The following EPS8 variants were observed in gnomAD, a reference collection of about 807,000 sequenced individuals.
EPS8 encodes the protein epidermal growth factor receptor kinase substrate 8.
A neutral mutation model predicts 103.8 loss-of-function variants in EPS8; 42 were observed. The ratio of observed to expected loss-of-function variants is 0.40; its 90% confidence interval spans 0.32 to 0.52. EPS8 has a LOEUF of 0.52. Among genes scored for constraint, EPS8 ranks in the 20% least tolerant of loss-of-function variants. The pLI, the probability that EPS8 is intolerant of heterozygous loss-of-function variation, is 0.40. For missense variants in EPS8, 969 were observed against 1,005.1 expected (o/e 0.96, Z 0.49); for synonymous variants, 344 against 344.6 (o/e 1.00, Z 0.02).
chr12:15,635,239 G>A (rs952148089), intron 17 of EPS8, among the ~76,000 whole-genome samples: 4 of 152,030 alleles, frequency 2.6e-5, no homozygotes, highest in Non-Finnish European at 5.9e-5. Flanking sequence ...ATGTACATGT[G>A]CATGTCAGAC....
chr12:15,755,924 A>G (rs1258631898), intron 1 of EPS8, among the ~76,000 whole-genome samples: 2 of 152,112 alleles, frequency 1.3e-5, no homozygotes, highest in East Asian at 3.8e-4. Context: ...AGAATTGTAC[A>G]CTTTCCAGAA....
chr12:15,631,867 C>A, intron 17 of EPS8: 1 of 484,724 alleles, frequency 2.1e-6, no homozygotes. Context: ...AAAGTCAAAA[C>A]ATTAGTTAAG....
chr12:15,711,400 T>C (rs74063358), intron 1 of EPS8, among the ~76,000 whole-genome samples: 2,017 of 152,276 alleles, frequency 0.013, 48 homozygotes, highest in African/African-American at 0.046. Context: ...TTTCCTCTTA[T>C]ATACAATTTG....
At chr12:15,624,467 T>G in intron 18 of EPS8, 60 bp from the exon 19 acceptor site, 1 of 1,293,374 alleles carries the variant, frequency 7.7e-7, no homozygotes. Flanking sequence ...TCACCCTCTC[T>G]AGAACCCCAA....
At chr12:15,658,404 A>G (rs1945545652) in intron 11 of EPS8, 93 bp downstream of exon 11, 7 of 994,116 alleles carry the variant, frequency 7.0e-6, no homozygotes, top group Non-Finnish European at 1.1e-5. Flanking sequence ...TATAAAAACA[A>G]TTTTATTTCT....
rs1946197416 is a variant in EPS8 at position 15,693,174 on chromosome 12, T to C, written c.-21-10202A>G. Among the ~76,000 whole-genome samples, 1 of 152,190 alleles carries C rather than the reference T, an allele frequency of 6.6e-6. No homozygotes were observed. Among genetic ancestry groups the C allele is most frequent in the Non-Finnish European group, 1.5e-5 (1 of 68,036 alleles). Reference sequence around the variant, plus strand: ...CCCCAGCCATCAGTGTCTATCGGTCTTTTGCATAGATCAGTCAGGTTCTCC... The same window carrying C: ...CCCCAGCCATCAGTGTCTATCGGTCCTTTGCATAGATCAGTCAGGTTCTCC... On this transcript the variant is annotated intron_variant, in intron 1 of 20. Transcript: ENST00000281172. The surrounding 1 kb of genome is among the most constrained non-coding windows in gnomAD (Gnocchi z 5.6).
At chr12:15,732,362 G>A (rs1398273833) in intron 1 of EPS8, among the ~76,000 whole-genome samples, 3 of 152,152 alleles carry the variant, frequency 2.0e-5, no homozygotes, top group African/African-American at 7.2e-5. Flanking sequence ...CAACAATGAG[G>A]AGAAGATATC....
chr12:15,708,649 T>C (rs1388914706), intron 1 of EPS8, among the ~76,000 whole-genome samples: 3 of 152,176 alleles, frequency 2.0e-5, no homozygotes, highest in African/African-American at 7.2e-5. Context: ...TCAGGTGAAA[T>C]CACGCATAAG....
Position 15,621,432 on chromosome 12 carries a change from TG to T in EPS8, c.2356-3del. ...TAACTCGGAGCTGCCACTGCTATCC[TG>T]AAAGATAAACAGTTCAGACAAGATA... On this transcript the variant is annotated splice_region_variant and splice_polypyrimidine_tract_variant and intron_variant, in intron 20 of 20. Transcript: ENST00000281172. 1 of 1,561,826 alleles carries T rather than the reference TG, an allele frequency of 6.4e-7. No homozygotes were observed.
chr12:15,645,752 T>C lies in EPS8; in HGVS notation c.1568+1375A>G, dbSNP rs554304409. On this transcript the variant is annotated intron_variant, in intron 15 of 20. Coordinates refer to ENST00000281172, the MANE Select transcript of EPS8 (RefSeq NM_004447.6). ...TACTAGATATACTCTCATGCACTTA[T>C]TCATCCAATCCATCAATCAAATAAA... is the stretch of plus-strand genomic sequence containing the variant. 2.6e-5 allele frequency among the ~76,000 whole-genome samples: 4 copies of C among 152,270 alleles called. No individual in the cohort carries two copies. In the South Asian group the frequency reaches 6.2e-4, roughly 24 times the overall value.
chr12:15,721,703 A>C lies in EPS8; in HGVS notation c.-21-38731T>G, dbSNP rs1202151394. Among the ~76,000 whole-genome samples the C allele has an allele frequency of 6.6e-6, 1 of 152,206 alleles. No individual in the cohort carries two copies. The highest frequency in any genetic ancestry group is 1.5e-5 in the Non-Finnish European group (1 of 68,034). ...TTAAAAGGATTTTCCTGAAAACTTAAAAGTAATAAAAGCACACTTTACTAC... is the reference window on the plus strand; with the variant it reads ...TTAAAAGGATTTTCCTGAAAACTTACAAGTAATAAAAGCACACTTTACTAC... On this transcript the variant is annotated intron_variant, in intron 1 of 20. Transcript: ENST00000281172. This position sits in a 1 kb window ranked among gnomAD's most constrained non-coding sequence, Gnocchi z 4.4.
At chr12:15,680,680 G>A (rs1402879209) in intron 3 of EPS8, among the ~76,000 whole-genome samples, 1 of 152,008 alleles carries the variant, frequency 6.6e-6, no homozygotes, top group East Asian at 1.9e-4. Context: ...AGGAGTCCTC[G>A]ACTTCTTGTT....
chr12:15,711,160 C>T (rs962317160), intron 1 of EPS8, among the ~76,000 whole-genome samples: 3 of 151,990 alleles, frequency 2.0e-5, no homozygotes, highest in South Asian at 4.1e-4. Context: ...CTGCCTCAGT[C>T]TCCCAAAGTG....
Position 15,624,297 on chromosome 12 carries a change from T to C in EPS8, c.2155A>G (p.Ile719Val), listed in dbSNP as rs1482834980. 11 of 1,613,952 alleles carry C rather than the reference T, an allele frequency of 6.8e-6. No individual in the cohort carries two copies. Among genetic ancestry groups the C allele is most frequent in the Non-Finnish European group, 9.3e-6 (11 of 1,179,910 alleles). ...FHVPRQNVPV[I>V]NITYDSTPED... ...GGTGTGGAGTCGTAAGTGATATTGA[T>C]AACTGGCACGTTCTGCCGTGGCACA... The change falls in exon 19 of 21, where the codon ATC becomes GTC. Residue 719 changes from isoleucine to valine, a missense_variant. Transcript: ENST00000281172.
intron 1 of EPS8, among the ~76,000 whole-genome samples, chr12:15,786,601 A>G (rs1281167235): frequency 2.6e-5 from 4 of 152,118 alleles, no homozygotes. Context: ...GGAAGCTGGT[A>G]TGGGGGTATA....
intron 3 of EPS8, among the ~76,000 whole-genome samples, chr12:15,680,388 A>G (rs1488239819): frequency 6.6e-6 from 1 of 152,194 alleles, no homozygotes; most frequent in Admixed American, 6.5e-5. Context: ...ACTTGCCAAG[A>G]ACAGTTCTAA....
intron 1 of EPS8, among the ~76,000 whole-genome samples, chr12:15,750,208 C>T (rs1488876115): frequency 2.0e-5 from 3 of 152,178 alleles, no homozygotes; most frequent in African/African-American, 7.2e-5. Context: ...TCATAGCTAA[C>T]AAAGCAATTG....
At position 15,704,280 on chromosome 12, in the gene EPS8, C is replaced by T. The variant is rs1198929457; in HGVS notation, c.-21-21308G>A. The stretch of plus-strand genomic sequence containing the variant: ...GAGACTAGATATTTGTACACCCATG[C>T]TCATATCAACATTATTCACGAGAGC... On this transcript the variant is annotated intron_variant, in intron 1 of 20. Coordinates refer to ENST00000281172, the MANE Select transcript of EPS8 (RefSeq NM_004447.6). This position sits in a 1 kb window ranked among gnomAD's most constrained non-coding sequence, Gnocchi z 4.6. Among the ~76,000 whole-genome samples the T allele has an allele frequency of 6.6e-6, 1 of 152,136 alleles. No homozygotes were observed. Among genetic ancestry groups the T allele is most frequent in the Non-Finnish European group, 1.5e-5 (1 of 68,034 alleles).
At chr12:15,674,321 C>A (rs551608085) in intron 3 of EPS8, among the ~76,000 whole-genome samples, 1 of 152,264 alleles carries the variant, frequency 6.6e-6, no homozygotes, top group Admixed American at 6.5e-5. Flanking sequence ...AACATAAAAG[C>A]AGCTGCTGAG....
Sources: allele counts gnomAD v4.1 joint callset (sites outside exome capture counted in the v4.1 genomes callset), GRCh38; gene constraint gnomAD v4.1.1; non-coding constraint Gnocchi (gnomAD v3.1); transcripts MANE v1.5; gene names NCBI Gene and HGNC (gene_info 2026-07-23, HGNC 2026-07-21).